Variants in CRYZL1 observed in about 807,000 individuals in gnomAD.
CRYZL1 encodes the protein ferry endosomal RAB5 effector complex subunit 4.
Under a neutral mutation model 50.6 loss-of-function variants are expected in CRYZL1, and 34 were observed. The ratio of observed to expected loss-of-function variants is 0.67; its 90% CI spans 0.51 to 0.89. The LOEUF is 0.89. Ranked by LOEUF, CRYZL1 falls within the 40% of genes least tolerant of loss-of-function variation. The pLI, the probability that CRYZL1 is intolerant of heterozygous loss-of-function variation, is 0.00. For synonymous variants in CRYZL1, 125 were observed against 134.3 expected (o/e 0.93, Z 0.48); for missense variants, 354 against 402.3 (o/e 0.88, Z 1.03).
chr21:33,598,507 A>C (rs2086718106), intron 9 of CRYZL1, among the ~76,000 whole-genome samples: 1 of 152,240 alleles, frequency 6.6e-6, no homozygotes, highest in African/African-American at 2.4e-5. Flanking sequence ...AACTAAAAAC[A>C]TTCAAGAAAA....
chr21:33,639,432 C>T (rs948378210), intron 1 of CRYZL1, among the ~76,000 whole-genome samples: 5 of 152,154 alleles, frequency 3.3e-5, no homozygotes, highest in South Asian at 2.1e-4. Flanking sequence ...AGGGAGCGAA[C>T]GGTGTGATGA....
intron 10 of CRYZL1, 129 bp downstream of exon 10, chr21:33,597,151 T>C: frequency 1.1e-6 from 1 of 886,864 alleles, no homozygotes; most frequent in South Asian, 1.6e-5. Flanking sequence ...CTCATAGGTG[T>C]GAGCCACCAT....
intron 6 of CRYZL1, among the ~76,000 whole-genome samples, chr21:33,606,336 C>T (rs2086814458): frequency 6.6e-6 from 1 of 152,136 alleles, no homozygotes; most frequent in South Asian, 2.1e-4. Context: ...TAAAGAAATG[C>T]TAACTGCGGC....
chr21:33,603,707 A>G (rs747447368), intron 6 of CRYZL1, among the ~76,000 whole-genome samples, 170 bp from the exon 7 acceptor site: 6 of 152,142 alleles, frequency 3.9e-5, no homozygotes, highest in Non-Finnish European at 8.8e-5. Flanking sequence ...AATTCTCCAT[A>G]TAGGAGTCAG....
chr21:33,608,750 T>A (rs1487497355), intron 6 of CRYZL1, among the ~76,000 whole-genome samples: 4 of 152,210 alleles, frequency 2.6e-5, no homozygotes, highest in Admixed American at 6.5e-5. Context: ...TATATCTATA[T>A]CATATTATTC....
At chr21:33,615,645 T>C (rs943086438) in intron 5 of CRYZL1, among the ~76,000 whole-genome samples, 1 of 152,144 alleles carries the variant, frequency 6.6e-6, no homozygotes, top group Admixed American at 6.6e-5. Context: ...GGTTGCAAAA[T>C]TGCAAAAATA....
chr21:33,631,165 G>C (rs920419534), intron 2 of CRYZL1, among the ~76,000 whole-genome samples: 2 of 152,072 alleles, frequency 1.3e-5, no homozygotes, highest in Non-Finnish European at 1.5e-5. Flanking sequence ...CAACAAAATG[G>C]CAAGTATTTT....
intron 2 of CRYZL1, among the ~76,000 whole-genome samples, chr21:33,627,806 G>A (rs964352376): frequency 2.8e-5 from 4 of 141,136 alleles, no homozygotes; most frequent in Non-Finnish European, 4.5e-5. Context: ...GTGCAGTGGC[G>A]TGATCTCCAC....
intron 6 of CRYZL1, among the ~76,000 whole-genome samples, chr21:33,611,117 G>A (rs1484083999): frequency 1.3e-5 from 2 of 152,140 alleles, no homozygotes; most frequent in South Asian, 2.1e-4. Flanking sequence ...CAACGTACTC[G>A]AAAGAACAGG....
chr21:33,599,828 T>C (rs922367587), intron 8 of CRYZL1, among the ~76,000 whole-genome samples: 1 of 151,522 alleles, frequency 6.6e-6, no homozygotes, highest in African/African-American at 2.4e-5. Flanking sequence ...AGGGAGAGGG[T>C]CTTGCTATGT....
chr21:33,593,216 C>T (rs906729561), intron 11 of CRYZL1, among the ~76,000 whole-genome samples: 4 of 151,922 alleles, frequency 2.6e-5, no homozygotes, highest in Non-Finnish European at 5.9e-5. Context: ...ATGCCATTCT[C>T]CTGCCTCAGC....
chr21:33,612,860 A>G (rs1470224327), intron 6 of CRYZL1, among the ~76,000 whole-genome samples: 3 of 151,814 alleles, frequency 2.0e-5, no homozygotes, highest in Non-Finnish European at 4.4e-5. Flanking sequence ...TTTGAGACAG[A>G]GTCTCGCTCT....
At chr21:33,609,513 G>A (rs1037605159) in intron 6 of CRYZL1, among the ~76,000 whole-genome samples, 3 of 151,716 alleles carry the variant, frequency 2.0e-5, no homozygotes, top group African/African-American at 4.8e-5. Flanking sequence ...GTTTCACCAT[G>A]TTATCCAGGC....
chr21:33,601,553 T>TG (rs2086756811), intron 8 of CRYZL1, among the ~76,000 whole-genome samples: 1 of 152,082 alleles, frequency 6.6e-6, no homozygotes, highest in East Asian at 1.9e-4. Context: ...TTGAAAACAA[T>TG]GGGGCAAACA....
At chr21:33,603,332 G>A (rs1392491027) in intron 7 of CRYZL1, 72 bp downstream of exon 7, 35 of 1,556,088 alleles carry the variant, frequency 2.2e-5, no homozygotes, top group Non-Finnish European at 2.3e-5. Flanking sequence ...TTAGCAAATG[G>A]ATGGCTCATT....
chr21:33,590,077 G>T (rs575471500), intron 12 of CRYZL1, among the ~76,000 whole-genome samples, 156 bp from the exon 13 acceptor site: 18 of 152,356 alleles, frequency 1.2e-4, no homozygotes, highest in Middle Eastern at 6.8e-3. Context: ...GAGTGCAGTG[G>T]CACGATCTCA....
intron 3 of CRYZL1, among the ~76,000 whole-genome samples, chr21:33,622,898 A>G (rs2087018770): frequency 6.6e-6 from 1 of 151,858 alleles, no homozygotes; most frequent in African/African-American, 2.4e-5. Context: ...GTGGAACATA[A>G]TACTTTTCTT....
intron 10 of CRYZL1, among the ~76,000 whole-genome samples, chr21:33,596,645 T>TA (rs1362134023): frequency 6.6e-6 from 1 of 150,880 alleles, no homozygotes; most frequent in Admixed American, 6.6e-5. Context: ...TTCCAAAAAA[T>TA]AAAAAAATAA....
chr21:33,617,670 G>A (rs992367243), intron 4 of CRYZL1, among the ~76,000 whole-genome samples: 1 of 152,082 alleles, frequency 6.6e-6, no homozygotes, highest in Non-Finnish European at 1.5e-5. Flanking sequence ...TAGGGGGTAC[G>A]TGATCGGGGG....
Sources: allele counts gnomAD v4.1 joint callset (sites outside exome capture counted in the v4.1 genomes callset), GRCh38; gene constraint gnomAD v4.1.1; transcripts MANE v1.5; gene names NCBI Gene and HGNC (gene_info 2026-07-23, HGNC 2026-07-21).